Variants in ARSB observed in about 807,000 individuals in gnomAD.
ARSB encodes arylsulfatase B, also known as N-acetylgalactosamine-4-sulfatase.
In ARSB, 41 loss-of-function variants were observed where a neutral mutation model predicts 50.9. The ratio of observed to expected loss-of-function variants is 0.81; its 90% CI spans 0.63 to 1.04. ARSB has a LOEUF of 1.04. ARSB is among the 50% of genes least tolerant of loss of function. The pLI is 0.00. For missense variants in ARSB, 672 were observed against 693.3 expected (o/e 0.97, Z 0.35); for synonymous variants, 269 against 284.8 (o/e 0.94, Z 0.56).
rs570304646 is a variant in ARSB at position 78,785,677 on chromosome 5, A to G, written c.1214-3703T>C. Among the ~76,000 whole-genome samples, 5 of 152,348 alleles carry G rather than the reference A, an allele frequency of 3.3e-5. No individual in the cohort carries two copies. The South Asian group carries it at 1.0e-3, about 32-fold the overall frequency. On this transcript the variant is annotated intron_variant, in intron 6 of 7. Coordinates refer to ENST00000264914, the MANE Select transcript of ARSB (RefSeq NM_000046.5). ...AATAGAAAGAAGTATAAAACAGGGTATGATAGGCAGGATAATGGTTCCTCA... is the reference window on the plus strand; with the variant it reads ...AATAGAAAGAAGTATAAAACAGGGTGTGATAGGCAGGATAATGGTTCCTCA...
intron 4 of ARSB, among the ~76,000 whole-genome samples, chr5:78,886,817 A>G (rs900393002): frequency 6.6e-6 from 1 of 152,204 alleles, no homozygotes; most frequent in African/African-American, 2.4e-5. Flanking sequence ...GGGCAGTATG[A>G]CAGACCACCT....
intron 6 of ARSB, among the ~76,000 whole-genome samples, chr5:78,806,458 T>C (rs1743568005): frequency 6.6e-6 from 1 of 152,216 alleles, no homozygotes; most frequent in African/African-American, 2.4e-5. Flanking sequence ...AAAATGTGAT[T>C]CCTGGACTGG....
At chr5:78,909,940 G>A (rs11742408) in intron 4 of ARSB, among the ~76,000 whole-genome samples, 25 of 152,050 alleles carry the variant, frequency 1.6e-4, no homozygotes, top group African/African-American at 5.6e-4. Context: ...GAGAAAAGCC[G>A]CCCTGTGGCG....
chr5:78,937,945 G>A (rs1193564694), intron 4 of ARSB, among the ~76,000 whole-genome samples: 1 of 152,126 alleles, frequency 6.6e-6, no homozygotes, highest in African/African-American at 2.4e-5. Context: ...TGAGGAGATG[G>A]TAAAAGAATC....
At chr5:78,925,075 C>A (rs896640809) in intron 4 of ARSB, among the ~76,000 whole-genome samples, 1 of 152,176 alleles carries the variant, frequency 6.6e-6, no homozygotes, top group African/African-American at 2.4e-5. Flanking sequence ...CTGCTCCTGT[C>A]TGAATCTTGA....
intron 3 of ARSB, among the ~76,000 whole-genome samples, chr5:78,962,681 T>G (rs576975093): frequency 4.6e-4 from 70 of 152,152 alleles, no homozygotes; most frequent in African/African-American, 1.6e-3. Flanking sequence ...CACCCACCAC[T>G]GCACCCGGCT....
At position 78,985,200 on chromosome 5, in the gene ARSB, G is replaced by A. The variant is rs1580170938; in HGVS notation, c.49C>T (p.Arg17Trp). The A allele has an allele frequency of 1.4e-6, 2 of 1,388,086 alleles. No individual in the cohort carries two copies. Among genetic ancestry groups the A allele is most frequent in the East Asian group, 6.0e-5 (2 of 33,178 alleles). The allele number at this position is 1,388,086 out of a possible 1,614,324, so 86.0% of individuals were successfully genotyped here. A position where few individuals can be genotyped will look rare whatever the true frequency, so the allele number is the denominator to read the frequency against. ...ASLPRGPGPR[R>W]LLLPVVLPLL... is the part of the protein sequence containing the mutation. ...GGGAGGACGACGGGGAGGAGCAGCC[G>A]CCGAGGTCCGGGGCCTCGGGGCAAG... The change falls in exon 1 of 8, where the codon CGG (arginine) becomes TGG (tryptophan). Residue 17 changes from arginine (R) to tryptophan (W), a missense_variant. Transcript: ENST00000264914.
At chr5:78,852,983 T>C (rs1745911884) in intron 5 of ARSB, among the ~76,000 whole-genome samples, 1 of 152,242 alleles carries the variant, frequency 6.6e-6, no homozygotes, top group African/African-American at 2.4e-5. Flanking sequence ...AGTTTTTAAC[T>C]TCTTTGCCTT....
intron 4 of ARSB, among the ~76,000 whole-genome samples, chr5:78,931,647 A>T (rs1750332309): frequency 6.7e-6 from 1 of 149,648 alleles, no homozygotes; most frequent in South Asian, 2.2e-4. Context: ...TTTTGTAGAG[A>T]GTCATGTTTT....
chr5:78,858,384 A>C (rs1269685423), intron 5 of ARSB, among the ~76,000 whole-genome samples: 1 of 152,222 alleles, frequency 6.6e-6, no homozygotes. Context: ...TATTTACAAA[A>C]ACAGGGCAAG....
intron 4 of ARSB, among the ~76,000 whole-genome samples, chr5:78,908,302 G>C (rs987023321): frequency 6.6e-6 from 1 of 151,988 alleles, no homozygotes; most frequent in African/African-American, 2.4e-5. Flanking sequence ...TCTCCTCTTG[G>C]TCTGCCGCTG....
intron 6 of ARSB, among the ~76,000 whole-genome samples, chr5:78,838,825 A>G (rs539732769): frequency 6.6e-6 from 1 of 151,070 alleles, no homozygotes; most frequent in African/African-American, 2.4e-5. Context: ...AGGTTAATTT[A>G]GGCAGGAGGC....
intron 6 of ARSB, chr5:78,783,482 TCACACA>T (rs1748983115): frequency 6.6e-6 from 1 of 152,162 alleles, no homozygotes; most frequent in Non-Finnish European, 1.5e-5. Flanking sequence ...GTCTCAACAA[TCACACA>T]GCAGCAAATC....
chr5:78,859,243 T>C (rs151083331), intron 5 of ARSB, among the ~76,000 whole-genome samples: 376 of 152,276 alleles, frequency 2.5e-3, no homozygotes, highest in African/African-American at 8.6e-3. Context: ...TGAGGAAATA[T>C]GTAAGTTGAA....
intron 3 of ARSB, among the ~76,000 whole-genome samples, chr5:78,963,764 T>C (rs1267593001): frequency 6.6e-6 from 1 of 152,212 alleles, no homozygotes; most frequent in African/African-American, 2.4e-5. Context: ...CCCAATATTG[T>C]TAAGACATCC....
chr5:78,837,253 G>T (rs1301473716), intron 6 of ARSB, among the ~76,000 whole-genome samples: 3 of 152,152 alleles, frequency 2.0e-5, no homozygotes, highest in African/African-American at 7.2e-5. Context: ...TATAATGTGG[G>T]TGGCATATTC....
intron 4 of ARSB, among the ~76,000 whole-genome samples, chr5:78,952,327 C>CTTCTTTCTTTCT (rs141893659): frequency 1.3e-5 from 2 of 150,606 alleles, no homozygotes; most frequent in Non-Finnish European, 1.5e-5. Flanking sequence ...CCCATGCACT[C>CTTCTTTCTTTCT]TTCTTTCTTT....
intron 4 of ARSB, among the ~76,000 whole-genome samples, chr5:78,886,751 T>C (rs1748054719): frequency 6.6e-6 from 1 of 151,274 alleles, no homozygotes; most frequent in Admixed American, 6.6e-5. Context: ...AAATAACACA[T>C]ATTTTGCATT....
intron 5 of ARSB, among the ~76,000 whole-genome samples, chr5:78,839,650 T>C (rs531902796): frequency 6.6e-6 from 1 of 152,284 alleles, no homozygotes; most frequent in South Asian, 2.1e-4. Flanking sequence ...GTCAAGCATA[T>C]GAAGATATTT....
Sources: gnomAD v4.1 joint callset for allele counts (sites outside exome capture counted in the v4.1 genomes callset) on GRCh38, gnomAD v4.1.1 for gene constraint, MANE v1.5 for transcripts, NCBI Gene and HGNC (gene_info 2026-07-23, HGNC 2026-07-21) for gene names.